Variants in ADGRV1 observed in about 807,000 individuals in gnomAD.
ADGRV1 encodes G-protein coupled receptor 98.
A neutral mutation model predicts 596.2 loss-of-function variants in ADGRV1; 359 were observed. That is an observed-to-expected ratio of 0.60 (90% CI 0.55 to 0.66). The LOEUF (loss-of-function observed/expected upper bound fraction) is 0.66, where lower values mean the gene tolerates loss of function less well. Among genes scored for constraint, ADGRV1 ranks in the 30% least tolerant of loss-of-function variants. ADGRV1 has a pLI of 0.00. For synonymous variants in ADGRV1, 2,681 were observed against 2,679.2 expected, an observed-to-expected ratio of 1.00 and a Z score of -0.02; for missense variants, 7,274 against 7,575.6, an observed-to-expected ratio of 0.96 and a Z score of 1.48.
intron 83 of ADGRV1, among the ~76,000 whole-genome samples, chr5:90,940,779 C>T (rs1422069060): frequency 6.6e-6 from 1 of 152,064 alleles, no homozygotes; most frequent in Non-Finnish European, 1.5e-5. Context: ...AGAGGTGGGA[C>T]CAGCACAGGA....
At chr5:90,634,332 A>G (rs16868887) in intron 9 of ADGRV1, among the ~76,000 whole-genome samples, 1,849 of 152,300 alleles carry the variant, frequency 0.012, 31 homozygotes, top group African/African-American at 0.042. Flanking sequence ...AGTCTATGTC[A>G]AGCCTACGTC....
At chr5:90,796,259 TAA>T (rs1760698108) in intron 70 of ADGRV1, among the ~76,000 whole-genome samples, 1 of 152,100 alleles carries the variant, frequency 6.6e-6, no homozygotes, top group Non-Finnish European at 1.5e-5. Flanking sequence ...CTAACTAGAA[TAA>T]CCAGTTTAGA....
At chr5:91,139,015 C>T (rs1562268173) in intron 87 of ADGRV1, among the ~76,000 whole-genome samples, 2 of 152,196 alleles carry the variant, frequency 1.3e-5, no homozygotes, top group South Asian at 4.1e-4. Flanking sequence ...AAGTGATCCA[C>T]CCCCCTTGGC....
chr5:90,929,947 T>C (rs996915114), intron 83 of ADGRV1, among the ~76,000 whole-genome samples: 1 of 152,172 alleles, frequency 6.6e-6, no homozygotes, highest in Non-Finnish European at 1.5e-5. Context: ...TGTATTTTAG[T>C]TTAGTTTTTT....
chr5:90,944,872 A>T (rs540337118), intron 83 of ADGRV1, among the ~76,000 whole-genome samples: 1 of 152,294 alleles, frequency 6.6e-6, no homozygotes, highest in Non-Finnish European at 1.5e-5. Flanking sequence ...TTTATTGCTG[A>T]GAAAATGGGA....
chr5:90,755,532 A>G (rs1289470400), intron 55 of ADGRV1, among the ~76,000 whole-genome samples: 2 of 152,008 alleles, frequency 1.3e-5, no homozygotes, highest in Admixed American at 6.6e-5. Flanking sequence ...GCCCAAATCA[A>G]TCTGGTTATT....
rs770639957 is a variant in ADGRV1 at position 90,652,448 on chromosome 5, A to G, written c.3519A>G (p.Ser1173=). The change falls in exon 19 of 90, where the codon TCA becomes TCG. Residue 1173 remains serine (S), a synonymous_variant. Transcript: ENST00000405460. ...LQPGQEFYET[S]GTVNFMDGEE... is the part of the protein sequence containing the mutation. The stretch of plus-strand genomic sequence containing the variant: ...CTGGGCAGGAGTTCTATGAAACTTC[A>G]GGAACTGTTAACTTCATGGATGGAG... The G allele has an allele frequency of 1.9e-6, 3 of 1,613,430 alleles. No homozygotes were observed. The South Asian group carries it at 3.3e-5, about 18-fold the overall frequency.
intron 50 of ADGRV1, among the ~76,000 whole-genome samples, chr5:90,731,536 G>A (rs1333114760): frequency 1.3e-5 from 2 of 152,214 alleles, no homozygotes; most frequent in African/African-American, 4.8e-5. Flanking sequence ...GCGTGGATTG[G>A]CAGGACACAC....
chr5:90,809,293 T>TACACACACACGCACACACACAC (rs1554124351), intron 73 of ADGRV1, among the ~76,000 whole-genome samples: 2 of 134,538 alleles, frequency 1.5e-5, no homozygotes, highest in Admixed American at 1.5e-4. Context: ...CGGGCATAAA[T>TACACACACACGCACACACACAC]ACACACACAC....
At chr5:91,132,424 T>A (rs1794295036) in intron 87 of ADGRV1, among the ~76,000 whole-genome samples, 1 of 152,224 alleles carries the variant, frequency 6.6e-6, no homozygotes, top group African/African-American at 2.4e-5. Context: ...CATTCGAAGG[T>A]ATTCATTACA....
chr5:90,939,787 G>A (rs547846833), intron 83 of ADGRV1, among the ~76,000 whole-genome samples: 242 of 151,984 alleles, frequency 1.6e-3, no homozygotes, highest in South Asian at 4.0e-3. Context: ...ACACTTTCTT[G>A]TCCTACTCTT....
intron 86 of ADGRV1, among the ~76,000 whole-genome samples, chr5:91,075,732 A>C (rs925333371): frequency 6.6e-6 from 1 of 151,988 alleles, no homozygotes; most frequent in African/African-American, 2.4e-5. Flanking sequence ...ATTATCTCAG[A>C]TGTCTACATT....
intron 48 of ADGRV1, among the ~76,000 whole-genome samples, chr5:90,727,138 A>G (rs377061867): frequency 6.6e-6 from 1 of 152,152 alleles, no homozygotes; most frequent in East Asian, 1.9e-4. Flanking sequence ...CCCAGGCTTG[A>G]GTGCAGTGCC....
At chr5:90,595,660 A>C (rs558473404) in intron 1 of ADGRV1, among the ~76,000 whole-genome samples, 2 of 48,938 alleles carry the variant, frequency 4.1e-5, no homozygotes, top group South Asian at 7.9e-4. Flanking sequence ...CCGGGCGGGG[A>C]ACTGACCCCC....
chr5:90,845,661 C>G (rs1440800366), intron 78 of ADGRV1, among the ~76,000 whole-genome samples: 1 of 151,704 alleles, frequency 6.6e-6, no homozygotes, highest in East Asian at 1.9e-4. Flanking sequence ...CTGGTGTTGT[C>G]TCTTTTTCTA....
chr5:90,823,410 G>T lies in ADGRV1; in HGVS notation c.16197-15G>T, dbSNP rs200239656. ...ACACCCTCTGTTAAGGCATTGGTGG[G>T]TTTCTTGCTCACAGGGCCTTTGAAG... On this transcript the variant is annotated splice_polypyrimidine_tract_variant and intron_variant, in intron 75 of 89. Transcript: ENST00000405460. 2 of 1,612,324 alleles carry T rather than the reference G, an allele frequency of 1.2e-6. No homozygotes were observed. Among genetic ancestry groups the T allele is most frequent in the African/African-American group, 2.7e-5 (2 of 74,858 alleles).
In ADGRV1 at chr5:91,043,144, A is replaced by T. The variant is rs143469234; in HGVS notation, c.18153-29303A>T. On this transcript the variant is annotated intron_variant, in intron 85 of 89. Coordinates refer to ENST00000405460, the MANE Select transcript of ADGRV1 (RefSeq NM_032119.4). The stretch of plus-strand genomic sequence containing the variant: ...GGCACCAACGTTTCCTCTGTACTTC[A>T]TTATTTCAGATGTAATCAAAGGAGT... Among the ~76,000 whole-genome samples, 148 of 152,246 alleles carry T rather than the reference A, an allele frequency of 9.7e-4. 1 individual carries two copies. The highest frequency in any genetic ancestry group is 3.5e-3 in the African/African-American group (145 of 41,558).
intron 87 of ADGRV1, among the ~76,000 whole-genome samples, chr5:91,106,373 T>C (rs1791877534): frequency 6.6e-6 from 1 of 152,226 alleles, no homozygotes; most frequent in Admixed American, 6.5e-5. Context: ...TATAGCTTTG[T>C]AGTATATTTT....
intron 86 of ADGRV1, among the ~76,000 whole-genome samples, chr5:91,072,987 C>T (rs1788521749): frequency 6.6e-6 from 1 of 152,180 alleles, no homozygotes; most frequent in African/African-American, 2.4e-5. Flanking sequence ...CCGCAGTGCT[C>T]ATGAGTGTGC....
Sources: allele counts gnomAD v4.1 joint callset (sites outside exome capture counted in the v4.1 genomes callset), GRCh38; gene constraint gnomAD v4.1.1; transcripts MANE v1.5; gene names NCBI Gene and HGNC (gene_info 2026-07-23, HGNC 2026-07-21).